Variants in TAOK2 observed in about 807,000 individuals in gnomAD.
TAOK2 encodes TAO kinase 2, also known as serine/threonine-protein kinase TAO2.
Under a neutral mutation model 122.5 loss-of-function variants are expected in TAOK2, and 42 were observed. The observed-to-expected ratio is 0.34, with a 90% CI of 0.27 to 0.44. The LOEUF (loss-of-function observed/expected upper bound fraction) is 0.44, where lower values mean the gene tolerates loss of function less well. TAOK2 is among the 20% of genes least tolerant of loss of function. The pLI, the probability that TAOK2 is intolerant of heterozygous loss-of-function variation, is 1.00. For synonymous variants in TAOK2, 704 were observed against 677.6 expected, an observed-to-expected ratio of 1.04 and a Z score of -0.61; for missense variants, 1,264 against 1,644.9, an observed-to-expected ratio of 0.77 and a Z score of 4.01.
intron 8 of TAOK2, chr16:29,980,933 T>C (rs1435141550): frequency 6.6e-6 from 1 of 152,338 alleles, no homozygotes; most frequent in African/African-American, 2.4e-5. Flanking sequence ...CTCCAGACCA[T>C]TGTTATGCAG....
rs2069667391 is a variant in TAOK2, at chr16:29,983,083, C to T, written c.1011C>T (p.Pro337=). 1 of 1,614,012 alleles carries T rather than the reference C, an allele frequency of 6.2e-7. No homozygotes were observed. The change falls in exon 12 of 16, where the codon CCC becomes CCT. Residue 337 remains proline (P), a synonymous_variant. Transcript: ENST00000308893. The stretch of plus-strand genomic sequence containing the variant: ...CGCCCTGTTCGCAGGAGGCCGAGCC[C>T]TACATGCACCGGGCCGGGACTCTGA... ...EAPEEEEEAE[P]YMHRAGTLTS... is the part of the protein sequence containing the mutation.
intron 8 of TAOK2, chr16:29,980,912 C>T (rs1474810886): frequency 6.6e-6 from 1 of 152,226 alleles, no homozygotes; most frequent in Non-Finnish European, 1.5e-5. Context: ...AAGAGGGCAG[C>T]TAATGCTTAT....
Position 29,979,530 on chromosome 16 carries a change from C to T in TAOK2, c.655+22C>T, listed in dbSNP as rs769292622. On this transcript the variant is annotated intron_variant, in intron 8 of 15. Coordinates refer to ENST00000308893, the MANE Select transcript of TAOK2 (RefSeq NM_016151.4). This position sits in a 1 kb window ranked among gnomAD's most constrained non-coding sequence, Gnocchi z 4.1. ...CTGGGTAAGAACATCCTCCCTGTTC[C>T]CTCATCATCTTTTCCATTCTTTCCT... 1 of 1,485,804 alleles carries T rather than the reference C, an allele frequency of 6.7e-7. No homozygotes were observed. Among genetic ancestry groups the T allele is most frequent in the Non-Finnish European group, 9.0e-7 (1 of 1,112,580 alleles). 92.0% of individuals were successfully genotyped at this position (1,485,804 alleles called of 1,614,324 possible).
rs370623476 is a variant in TAOK2 at position 29,987,091 on chromosome 16, C to G, written c.2819C>G (p.Ala940Gly). The G allele has an allele frequency of 7.4e-6, 12 of 1,613,138 alleles. No individual in the cohort carries two copies. In the African/African-American group the frequency reaches 1.5e-4, roughly 20 times the overall value. Residue 940 changes from alanine (A) to glycine (G), a missense_variant, in exon 16 of 16, where the codon GCC becomes GGC. Ala to Gly is a moderately conservative substitution (Grantham distance 60). Coordinates refer to ENST00000308893, the MANE Select transcript of TAOK2 (RefSeq NM_016151.4). Reference sequence around the variant, plus strand: ...CCAACACACCTGAGGCCCTGCCCTGCCAGCCAGCTCCCTGGACTCCTGTCC... The same window carrying G: ...CCAACACACCTGAGGCCCTGCCCTGGCAGCCAGCTCCCTGGACTCCTGTCC... ...PPPTHLRPCP[A>G]SQLPGLLSHG...
intron 1 of TAOK2, 136 bp from the exon 2 acceptor site, chr16:29,977,602 C>A: frequency 2.4e-6 from 2 of 824,878 alleles, no homozygotes; most frequent in Non-Finnish European, 3.7e-6. Flanking sequence ...TGTTCCTAAT[C>A]TCCCCCTCCC....
downstream of TAOK2, chr16:29,989,207 C>T: frequency 4.1e-6 from 4 of 985,310 alleles, no homozygotes; most frequent in Non-Finnish European, 4.8e-6. Context: ...CACAGTCTCT[C>T]CCTCTTTGCC....
At chr16:29,978,481 T>G (rs1005122038) in intron 4 of TAOK2, 128 bp downstream of exon 4, 28 of 1,061,900 alleles carry the variant, frequency 2.6e-5, no homozygotes, top group Non-Finnish European at 3.7e-5. Flanking sequence ...GAAGTCTCTT[T>G]TGACCGCTTT....
Position 29,979,460 on chromosome 16 carries a change from G to A in TAOK2, c.607G>A (p.Asp203Asn), listed in dbSNP as rs1377682145. Residue 203 changes from aspartate to asparagine, a missense_variant, in exon 8 of 16, where the codon GAT becomes AAT. This residue lies in a region of TAOK2 where 254 missense variants were observed against 503.8 expected (regional missense o/e 0.50). Transcript: ENST00000308893. This position sits in a 1 kb window ranked among gnomAD's most constrained non-coding sequence, Gnocchi z 4.1. ...CCTGGCCATGGATGAGGGGCAGTACGATGGCAAAGTGGACGTCTGGTCCTT... is the reference window on the plus strand; with the variant it reads ...CCTGGCCATGGATGAGGGGCAGTACAATGGCAAAGTGGACGTCTGGTCCTT... ...VILAMDEGQY[D>N]GKVDVWSLGI... 5 of 1,575,530 alleles carry A rather than the reference G, an allele frequency of 3.2e-6. No homozygotes were observed. The highest frequency in any genetic ancestry group is 3.5e-6 in the Non-Finnish European group (4 of 1,158,812).
chr16:29,981,274 C>G lies in TAOK2; in HGVS notation c.656-387C>G, dbSNP rs376484356. The G allele has an allele frequency of 5.1e-5, 26 of 508,274 alleles. No individual in the cohort carries two copies. In the South Asian group the frequency reaches 5.7e-4, roughly 11 times the overall value. 31.5% of individuals were successfully genotyped at this position (508,274 alleles called of 1,614,324 possible). On this transcript the variant is annotated intron_variant, in intron 8 of 15. Transcript: ENST00000308893. The stretch of plus-strand genomic sequence containing the variant: ...TGTTATTTTTTCAGTCCTATTTAAT[C>G]TTTTAGACTGGAGGTTCCTTGAGGG...
chr16:29,977,662 C>T (rs2069495917), intron 1 of TAOK2, 76 bp from the exon 2 acceptor site: 2 of 1,374,466 alleles, frequency 1.5e-6, no homozygotes, highest in East Asian at 2.4e-5. Flanking sequence ...GAGGAGATGG[C>T]AGAAACTTGA....
Position 29,986,342 on chromosome 16 carries a change from G to A in TAOK2, c.2070G>A (p.Leu690=), listed in dbSNP as rs1234524376. Reference sequence around the variant, plus strand: ...GGCAGCACGAGGCCACGCGGGAGCTGGAGCTGCGGCAGCTCCAGGCCGTGC... The same window carrying A: ...GGCAGCACGAGGCCACGCGGGAGCTAGAGCTGCGGCAGCTCCAGGCCGTGC... ...LLRQHEATRE[L]ELRQLQAVQR... is the part of the protein sequence containing the mutation. Residue 690 remains leucine, a synonymous_variant, in exon 16 of 16, where the codon CTG becomes CTA. Coordinates refer to ENST00000308893, the MANE Select transcript of TAOK2 (RefSeq NM_016151.4). This position sits in a 1 kb window ranked among gnomAD's most constrained non-coding sequence, Gnocchi z 4.2. The A allele has an allele frequency of 1.9e-6, 3 of 1,583,224 alleles. No homozygotes were observed. The Admixed American group carries it at 5.4e-5, about 29-fold the overall frequency.
intron 10 of TAOK2, 69 bp downstream of exon 10, chr16:29,982,009 A>C (rs750980174): frequency 7.4e-7 from 1 of 1,357,320 alleles, no homozygotes. Flanking sequence ...CCCCCAGGGA[A>C]ATTAGTGGTT....
At chr16:29,975,181 T>G (rs1018957505) in intron 1 of TAOK2, among the ~76,000 whole-genome samples, 1 of 152,152 alleles carries the variant, frequency 6.6e-6, no homozygotes, top group African/African-American at 2.4e-5. Flanking sequence ...TGCAGTTACC[T>G]TCCAACCTCT....
downstream of TAOK2, chr16:29,988,737 C>T: frequency 2.0e-6 from 2 of 985,424 alleles, no homozygotes; most frequent in Non-Finnish European, 2.4e-6. Flanking sequence ...CCAAATTGCT[C>T]TCCTGCATCA....
At position 29,985,689 on chromosome 16, in the gene TAOK2, G is replaced by T. The variant is rs773698336; in HGVS notation, c.1820G>T (p.Arg607Leu). ...CAGGAGAACCCCAGCACTCCCAAGC[G>T]GGAGAAGGCCGAGTGGCTGCTGCGG... ...ELQENPSTPK[R>L]EKAEWLLRQK... The change falls in exon 15 of 16, where the codon CGG (arginine) becomes CTG (leucine). Residue 607 changes from arginine to leucine, a missense_variant. By Grantham distance (102) the Arg-to-Leu change is moderately radical. Transcript: ENST00000308893. This position sits in a 1 kb window ranked among gnomAD's most constrained non-coding sequence, Gnocchi z 6.9. 3 of 1,608,342 alleles carry T rather than the reference G, an allele frequency of 1.9e-6. No individual in the cohort carries two copies. The highest frequency in any genetic ancestry group is 1.1e-5 in the South Asian group (1 of 90,382).
At chr16:29,981,800 G>A (rs774456298) in intron 9 of TAOK2, 46 bp downstream of exon 9, 1 of 1,610,868 alleles carries the variant, frequency 6.2e-7, no homozygotes, top group African/African-American at 1.3e-5. Context: ...TAGGCCATGG[G>A]GTATGGATGC....
chr16:29,983,469 C>CT (rs747961463), intron 12 of TAOK2, 34 bp from the exon 13 acceptor site: 24 of 1,586,646 alleles, frequency 1.5e-5, no homozygotes, highest in Non-Finnish European at 1.9e-5. Context: ...CCAGTGGCCT[C>CT]TGAGCCTTGG....
Position 29,987,356 on chromosome 16 carries a change from C to T in TAOK2, c.3084C>T (p.Ala1028=), listed in dbSNP as rs767102413. The part of the protein sequence containing the change: ...LLLAQGTALG[A]VLGLSWRRGL... Reference sequence around the variant, plus strand: ...TGGCCCAGGGTACCGCACTGGGGGCCGTCCTGGGCCTGAGCTGGCGCCGAG... The same window carrying T: ...TGGCCCAGGGTACCGCACTGGGGGCTGTCCTGGGCCTGAGCTGGCGCCGAG... The change falls in exon 16 of 16, where the codon GCC becomes GCT. Residue 1028 remains alanine, a synonymous_variant. Transcript: ENST00000308893. The T allele has an allele frequency of 1.1e-5, 17 of 1,578,810 alleles. No homozygotes were observed. Among genetic ancestry groups the T allele is most frequent in the African/African-American group, 2.7e-5 (2 of 73,804 alleles).
intron 1 of TAOK2, among the ~76,000 whole-genome samples, chr16:29,977,202 G>A (rs796928255): frequency 2.0e-5 from 3 of 151,870 alleles, no homozygotes; most frequent in African/African-American, 4.8e-5. Context: ...GTGACTTTGC[G>A]GGCTCCTCTG....
Sources: allele counts gnomAD v4.1 joint callset (sites outside exome capture counted in the v4.1 genomes callset), GRCh38; gene constraint gnomAD v4.1.1; regional missense constraint gnomAD v4.1.1; non-coding constraint Gnocchi (gnomAD v3.1); transcripts MANE v1.5; gene names NCBI Gene and HGNC (gene_info 2026-07-23, HGNC 2026-07-21).